Variants in ADAMTS6 observed in about 807,000 individuals in gnomAD.
The protein encoded by ADAMTS6 is A disintegrin and metalloproteinase with thrombospondin motifs 6.
In ADAMTS6, 23 loss-of-function variants were observed where a neutral mutation model predicts 144.3. The ratio of observed to expected loss-of-function variants is 0.16; its 90% CI spans 0.11 to 0.23. The LOEUF (loss-of-function observed/expected upper bound fraction) is 0.23. ADAMTS6 is among the 10% of genes least tolerant of loss of function. The pLI is 1.00. For synonymous variants in ADAMTS6, 444 were observed against 457.5 expected (o/e 0.97, Z 0.38); for missense variants, 999 against 1,379.6 (o/e 0.72, Z 4.37).
At chr5:65,280,916 A>G (rs1762937569) in intron 11 of ADAMTS6, among the ~76,000 whole-genome samples, 1 of 152,214 alleles carries the variant, frequency 6.6e-6, no homozygotes, top group South Asian at 2.1e-4. Flanking sequence ...AGAATCTTCC[A>G]AAAGTCAGAG....
intron 7 of ADAMTS6, among the ~76,000 whole-genome samples, chr5:65,411,130 G>A (rs918380083): frequency 6.6e-6 from 1 of 152,132 alleles, no homozygotes; most frequent in South Asian, 2.1e-4. Flanking sequence ...GAGCCACTGA[G>A]CCTGGCCTGC....
At chr5:65,445,501 C>G (rs1315468926) in intron 7 of ADAMTS6, among the ~76,000 whole-genome samples, 1 of 152,172 alleles carries the variant, frequency 6.6e-6, no homozygotes, top group Non-Finnish European at 1.5e-5. Flanking sequence ...CCACGCCCGA[C>G]TAATGTTTTT....
intron 9 of ADAMTS6, among the ~76,000 whole-genome samples, chr5:65,310,034 C>T (rs1744334964): frequency 6.6e-6 from 1 of 151,912 alleles, no homozygotes; most frequent in Non-Finnish European, 1.5e-5. Context: ...AGTTTGGTAC[C>T]ACCCCCACTT....
intron 24 of ADAMTS6, among the ~76,000 whole-genome samples, chr5:65,156,842 A>G (rs1428237448): frequency 6.6e-6 from 1 of 152,258 alleles, no homozygotes; most frequent in Admixed American, 6.5e-5. Context: ...GAAGAATGAC[A>G]AGACACCCTT....
At chr5:65,284,695 G>T (rs1051739005) in intron 11 of ADAMTS6, among the ~76,000 whole-genome samples, 7 of 152,092 alleles carry the variant, frequency 4.6e-5, no homozygotes, top group African/African-American at 1.7e-4. Context: ...AAGTAGAAGA[G>T]AAAACTTTCA....
intron 7 of ADAMTS6, among the ~76,000 whole-genome samples, chr5:65,394,840 ATCTAC>A (rs1753207831): frequency 6.6e-6 from 1 of 152,162 alleles, no homozygotes; most frequent in Admixed American, 6.5e-5. Context: ...CTTCTGTCTT[ATCTAC>A]TCTAATCTAG....
intron 10 of ADAMTS6, 74 bp from the exon 11 acceptor site, chr5:65,291,544 T>TTGAG: frequency 7.0e-7 from 1 of 1,436,092 alleles, no homozygotes. Context: ...AAACCACGTG[T>TTGAG]TGAGCTTTGT....
chr5:65,444,325 C>T (rs1009642329), intron 7 of ADAMTS6, among the ~76,000 whole-genome samples: 8 of 152,082 alleles, frequency 5.3e-5, no homozygotes, highest in Admixed American at 2.6e-4. Context: ...GAGATCGTGC[C>T]ATTGCTCTCC....
At chr5:65,210,266 C>T (rs1756415419) in intron 20 of ADAMTS6, 1 of 157,204 alleles carries the variant, frequency 6.4e-6, no homozygotes, top group Admixed American at 6.5e-5. Flanking sequence ...TCCTGGCTAA[C>T]ACGGTGAAAC....
At chr5:65,319,733 G>GAGGGAAGGA (rs1464998887) in intron 9 of ADAMTS6, among the ~76,000 whole-genome samples, 5 of 54,042 alleles carry the variant, frequency 9.3e-5, no homozygotes, top group Admixed American at 1.6e-4. Context: ...GGGAGGGAGG[G>GAGGGAAGGA]AGGGAGGGAA....
intron 24 of ADAMTS6, among the ~76,000 whole-genome samples, chr5:65,160,065 A>G (rs775022910): frequency 6.6e-6 from 1 of 152,228 alleles, no homozygotes; most frequent in Non-Finnish European, 1.5e-5. Context: ...AAACCTTGGT[A>G]GTCAAAACAA....
At chr5:65,379,992 A>T (rs4394083) in intron 7 of ADAMTS6, among the ~76,000 whole-genome samples, 10,699 of 152,172 alleles carry the variant, frequency 0.07, 491 homozygotes, top group Non-Finnish European at 0.11. Flanking sequence ...GTCAGTTCTT[A>T]CTGACTCATG....
intron 1 of ADAMTS6, among the ~76,000 whole-genome samples, chr5:65,478,083 C>T (rs1580802373): frequency 6.6e-6 from 1 of 151,746 alleles, no homozygotes; most frequent in Non-Finnish European, 1.5e-5. Flanking sequence ...GCCAAGATCA[C>T]GCCACTGCAC....
chr5:65,273,757 T>C (rs1437533684), intron 11 of ADAMTS6, among the ~76,000 whole-genome samples: 1 of 152,082 alleles, frequency 6.6e-6, no homozygotes, highest in Non-Finnish European at 1.5e-5. Context: ...AAAATGACTA[T>C]GTAGAAAGGA....
intron 7 of ADAMTS6, among the ~76,000 whole-genome samples, chr5:65,357,501 T>G (rs1448886145): frequency 6.7e-6 from 1 of 150,350 alleles, no homozygotes; most frequent in Non-Finnish European, 1.5e-5. Flanking sequence ...AGGAAGAAGA[T>G]CAAAGCAAAA....
intron 14 of ADAMTS6, among the ~76,000 whole-genome samples, chr5:65,256,147 C>T (rs55902342): frequency 0.17 from 25,783 of 152,190 alleles, 2,714 homozygotes; most frequent in African/African-American, 0.29. Flanking sequence ...TGGTTGCCAC[C>T]AGCCACATGG....
chr5:65,257,259 C>T (rs1381446850), intron 14 of ADAMTS6, among the ~76,000 whole-genome samples: 1 of 152,094 alleles, frequency 6.6e-6, no homozygotes, highest in African/African-American at 2.4e-5. Flanking sequence ...GTTCTTTGAA[C>T]TCCTTTACCT....
At chr5:65,396,156 A>G (rs778932188) in intron 7 of ADAMTS6, among the ~76,000 whole-genome samples, 17 of 152,218 alleles carry the variant, frequency 1.1e-4, no homozygotes, top group Non-Finnish European at 2.2e-4. Flanking sequence ...AAACTAGTTA[A>G]TTATCTCAAA....
chr5:65,355,219 AAG>A (rs1448577199), intron 7 of ADAMTS6, among the ~76,000 whole-genome samples: 1 of 151,836 alleles, frequency 6.6e-6, no homozygotes, highest in African/African-American at 2.4e-5. Context: ...AAATAGTTAA[AAG>A]ATGTGATGAT....
Sources: allele counts gnomAD v4.1 joint callset (sites outside exome capture counted in the v4.1 genomes callset), GRCh38; gene constraint gnomAD v4.1.1; transcripts MANE v1.5; gene names NCBI Gene and HGNC (gene_info 2026-07-23, HGNC 2026-07-21).